Variants in NR6A1 observed in about 807,000 individuals in gnomAD.
The protein encoded by NR6A1 is nuclear receptor subfamily 6 group A member 1.
A neutral mutation model predicts 59.1 loss-of-function variants in NR6A1; 7 were observed. That is an observed-to-expected ratio of 0.12 (90% CI 0.07 to 0.22). The LOEUF (loss-of-function observed/expected upper bound fraction) is 0.22, where lower values mean the gene tolerates loss of function less well. Ranked by LOEUF, NR6A1 falls within the 10% of genes least tolerant of loss-of-function variation. NR6A1 has a pLI of 1.00. For missense variants in NR6A1, 468 were observed against 611.6 expected (o/e 0.77, Z 2.48); for synonymous variants, 243 against 236.1 (o/e 1.03, Z -0.27).
chr9:124,644,271 C>CTTTTTTTTTTTTT (rs35401605), intron 2 of NR6A1, among the ~76,000 whole-genome samples: 1 of 96,744 alleles, frequency 1.0e-5, no homozygotes, highest in South Asian at 3.3e-4. Context: ...ATTAAGTCTT[C>CTTTTTTTTTTTTT]TTTTTTTTTT....
chr9:124,755,650 A>C (rs1041365275), intron 1 of NR6A1, among the ~76,000 whole-genome samples: 1 of 152,186 alleles, frequency 6.6e-6, no homozygotes, highest in Non-Finnish European at 1.5e-5. Flanking sequence ...AAGGCTCTCT[A>C]AACAGCTGCG....
At chr9:124,644,910 T>C (rs1392434927) in intron 2 of NR6A1, among the ~76,000 whole-genome samples, 4 of 152,260 alleles carry the variant, frequency 2.6e-5, no homozygotes, top group Non-Finnish European at 4.4e-5. Context: ...GTGGTATTCA[T>C]GAAACCGATG....
At chr9:124,665,571 T>C (rs1247820520) in intron 2 of NR6A1, among the ~76,000 whole-genome samples, 1 of 152,198 alleles carries the variant, frequency 6.6e-6, no homozygotes, top group African/African-American at 2.4e-5. Flanking sequence ...GGGTATGAAA[T>C]GATGTTGCAG....
chr9:124,712,358 C>T (rs964422148), intron 2 of NR6A1, among the ~76,000 whole-genome samples: 1 of 152,106 alleles, frequency 6.6e-6, no homozygotes, highest in East Asian at 1.9e-4. Context: ...CCTGTAATCC[C>T]AGCACTTTGG....
intron 2 of NR6A1, among the ~76,000 whole-genome samples, chr9:124,644,289 T>TTTC: frequency 6.7e-6 from 1 of 149,236 alleles, no homozygotes; most frequent in African/African-American, 2.5e-5. Context: ...TTTTTTTTTT[T>TTTC]TGAGACATGG....
chr9:124,760,328 T>A (rs578062914), intron 1 of NR6A1, among the ~76,000 whole-genome samples: 27 of 150,920 alleles, frequency 1.8e-4, no homozygotes, highest in African/African-American at 6.6e-4. Context: ...AATAAATAAA[T>A]AAAAATAAAA....
intron 2 of NR6A1, among the ~76,000 whole-genome samples, chr9:124,663,345 G>A (rs1475234826): frequency 1.3e-5 from 2 of 152,076 alleles, no homozygotes; most frequent in Non-Finnish European, 2.9e-5. Flanking sequence ...TCTTAAATTC[G>A]GATGCCATTC....
In NR6A1 at chr9:124,581,221, T is replaced by C. The variant is rs1834754169; in HGVS notation, c.143-26651A>G. Among the ~76,000 whole-genome samples the C allele has an allele frequency of 2.0e-5, 3 of 152,126 alleles. No individual in the cohort carries two copies. In the South Asian group the frequency reaches 6.2e-4, roughly 32 times the overall value. ...AGAGGCAAAGATTTCATGATGAAGA[T>C]GCCAAAAACAATTGTAACAAAAGCA... On this transcript the variant is annotated intron_variant, in intron 2 of 9. Transcript: ENST00000487099.
Position 124,770,889 on chromosome 9 carries a change from G to A in NR6A1, c.100+131C>T, listed in dbSNP as rs1841132034. On this transcript the variant is annotated intron_variant, in intron 1 of 9. Transcript: ENST00000487099. The stretch of plus-strand genomic sequence containing the variant: ...CGCGCCAACGGGGAACGGGGTGAAG[G>A]GCCACCCTAAGGGGCCGCGGGGCCG... 9 of 455,240 alleles carry A rather than the reference G, an allele frequency of 2.0e-5. No homozygotes were observed. In the South Asian group the frequency reaches 8.4e-4, roughly 43 times the overall value. The allele number at this position is 455,240 out of a possible 1,614,324, so 28.2% of individuals were successfully genotyped here. A position where few individuals can be genotyped will look rare whatever the true frequency, so the allele number is the denominator to read the frequency against.
At chr9:124,532,149 C>T (rs1156559842) in intron 7 of NR6A1, among the ~76,000 whole-genome samples, 2 of 152,176 alleles carry the variant, frequency 1.3e-5, no homozygotes, top group Non-Finnish European at 2.9e-5. Context: ...GTCAATTCTC[C>T]CCTCATTTCT....
At chr9:124,564,336 C>A (rs1048748480) in intron 2 of NR6A1, among the ~76,000 whole-genome samples, 1 of 152,172 alleles carries the variant, frequency 6.6e-6, no homozygotes, top group Admixed American at 6.5e-5. Context: ...ATGATCAGTA[C>A]TCTACCTTTA....
chr9:124,606,679 T>C lies in NR6A1; in HGVS notation c.143-52109A>G, dbSNP rs546847105. 2.7e-4 allele frequency among the ~76,000 whole-genome samples: 41 copies of C among 152,356 alleles called. 1 individual carries two copies. The highest frequency in any genetic ancestry group is 8.9e-4 in the African/African-American group (37 of 41,586). On this transcript the variant is annotated intron_variant, in intron 2 of 9. Transcript: ENST00000487099. The stretch of plus-strand genomic sequence containing the variant: ...TTCAGGGTTATTGATTAAATAAGTA[T>C]ACAGTTCAAACTAACTAAAATTATC...
intron 1 of NR6A1, among the ~76,000 whole-genome samples, chr9:124,767,765 G>A (rs1446324994): frequency 6.6e-6 from 1 of 152,200 alleles, no homozygotes; most frequent in Non-Finnish European, 1.5e-5. Flanking sequence ...GTGCTATTCA[G>A]TGAACTTCTC....
At chr9:124,555,464 T>C (rs572545426) in intron 2 of NR6A1, among the ~76,000 whole-genome samples, 1 of 152,090 alleles carries the variant, frequency 6.6e-6, no homozygotes, top group Non-Finnish European at 1.5e-5. Flanking sequence ...AGAACATCGT[T>C]ATAGAGCCAG....
intron 2 of NR6A1, among the ~76,000 whole-genome samples, chr9:124,577,083 A>G (rs1813076786): frequency 6.6e-6 from 1 of 152,098 alleles, no homozygotes; most frequent in African/African-American, 2.4e-5. Flanking sequence ...ACCAAATGTA[A>G]TTGTATTTTA....
At chr9:124,667,907 A>G (rs1588762702) in intron 2 of NR6A1, among the ~76,000 whole-genome samples, 1 of 152,346 alleles carries the variant, frequency 6.6e-6, no homozygotes, top group East Asian at 1.9e-4. Context: ...AGCTAAAGAT[A>G]CCTGCTGTCA....
Position 124,612,751 on chromosome 9 carries a change from C to G in NR6A1, c.143-58181G>C, listed in dbSNP as rs537125641. Among the ~76,000 whole-genome samples, 173 of 152,266 alleles carry G rather than the reference C, an allele frequency of 1.1e-3. 1 individual carries two copies. Among genetic ancestry groups the G allele is most frequent in the African/African-American group, 3.8e-3 (157 of 41,540 alleles). ...TAAGGTAAACCCCCATATATCCTAT[C>G]AATGTCAATGCAAAGTAGTAGTTTG... On this transcript the variant is annotated intron_variant, in intron 2 of 9. Transcript: ENST00000487099.
rs573446901 is a variant in NR6A1, at chr9:124,646,276, A to C, written c.142+87032T>G. Among the ~76,000 whole-genome samples the C allele has an allele frequency of 3.9e-5, 6 of 152,228 alleles. No homozygotes were observed. The East Asian group carries it at 1.2e-3, about 29-fold the overall frequency. ...AGCAGAAATCGATGAAATTAAGAAC[A>C]GGGAAGCAATAAAGAAAATTAACAA... On this transcript the variant is annotated intron_variant, in intron 2 of 9. Coordinates refer to ENST00000487099, the MANE Select transcript of NR6A1 (RefSeq NM_033334.4).
intron 9 of NR6A1, among the ~76,000 whole-genome samples, 164 bp from the exon 10 acceptor site, chr9:124,522,957 A>G (rs1485148010): frequency 1.3e-5 from 2 of 152,160 alleles, no homozygotes; most frequent in Middle Eastern, 3.2e-3. Flanking sequence ...CTAACATCCT[A>G]ACATCCAGAC....
Sources: gnomAD v4.1 joint callset for allele counts (sites outside exome capture counted in the v4.1 genomes callset) on GRCh38, gnomAD v4.1.1 for gene constraint, MANE v1.5 for transcripts, NCBI Gene and HGNC (gene_info 2026-07-23, HGNC 2026-07-21) for gene names.